The following ALDH1A3 variants were observed in gnomAD, a reference collection of about 807,000 sequenced individuals.
ALDH1A3 encodes aldehyde dehydrogenase 1 family member A3.
In ALDH1A3, 28 loss-of-function variants were observed where a neutral mutation model predicts 57.5. The observed-to-expected ratio is 0.49, with a 90% confidence interval of 0.36 to 0.67. ALDH1A3 has a LOEUF of 0.67. Among genes scored for constraint, ALDH1A3 ranks in the 30% least tolerant of loss-of-function variants. ALDH1A3 has a pLI of 0.00. For missense variants in ALDH1A3, 507 were observed against 669.4 expected (o/e 0.76, Z 2.68); for synonymous variants, 281 against 264.8 (o/e 1.06, Z -0.59).
At chr15:100,905,788 T>C in intron 10 of ALDH1A3, 101 bp downstream of exon 10, 1 of 1,272,564 alleles carries the variant, frequency 7.9e-7, no homozygotes, top group Non-Finnish European at 1.1e-6. Context: ...ATCTGAGTGT[T>C]TTTTTGTTTT....
At chr15:100,909,850 A>G (rs1315002626) in intron 12 of ALDH1A3, among the ~76,000 whole-genome samples, 3 of 152,262 alleles carry the variant, frequency 2.0e-5, no homozygotes, top group Non-Finnish European at 4.4e-5. Flanking sequence ...CCAAGGAACC[A>G]TCTGTGACAA....
At chr15:100,891,905 G>A (rs533750493) in intron 3 of ALDH1A3, among the ~76,000 whole-genome samples, 5 of 152,356 alleles carry the variant, frequency 3.3e-5, no homozygotes, top group African/African-American at 4.8e-5. Flanking sequence ...GCTCCCTTCC[G>A]ACTCTGCATC....
rs201556377 is a variant in ALDH1A3 at position 100,905,713 on chromosome 15, C to T, written c.1233+26C>T. Reference sequence around the variant, plus strand: ...GTACAAGGGGGCTGTGGCAAGGCTACGACTTGCGGGGCCTTTCAAACACGA... The same window carrying T: ...GTACAAGGGGGCTGTGGCAAGGCTATGACTTGCGGGGCCTTTCAAACACGA... On this transcript the variant is annotated intron_variant, in intron 10 of 12. Coordinates refer to ENST00000329841, the MANE Select transcript of ALDH1A3 (RefSeq NM_000693.4). 17 of 1,516,872 alleles carry T rather than the reference C, an allele frequency of 1.1e-5. No individual in the cohort carries two copies. The East Asian group carries it at 2.4e-4, about 21-fold the overall frequency. 94.0% of individuals were successfully genotyped at this position (1,516,872 alleles called of 1,614,324 possible).
chr15:100,907,992 G>A (rs891031194), intron 11 of ALDH1A3, among the ~76,000 whole-genome samples: 5 of 151,652 alleles, frequency 3.3e-5, no homozygotes, highest in Non-Finnish European at 7.4e-5. Context: ...GGGACTACAG[G>A]TGCACGCCAC....
intron 10 of ALDH1A3, 50 bp downstream of exon 10, chr15:100,905,737 GA>G: frequency 6.7e-7 from 1 of 1,482,162 alleles, no homozygotes; most frequent in South Asian, 1.4e-5. Flanking sequence ...TTTCAAACAC[GA>G]GTCCTTCCCT....
In ALDH1A3 at chr15:100,900,597, C is replaced by G; in HGVS notation, c.906C>G (p.Ala302=). 2 of 1,597,494 alleles carry G rather than the reference C, an allele frequency of 1.3e-6. No homozygotes were observed. Among genetic ancestry groups the G allele is most frequent in the Non-Finnish European group, 1.7e-6 (2 of 1,171,292 alleles). The stretch of plus-strand genomic sequence containing the variant: ...CAGTGGACTTGGCAGTGGAGTGTGC[C>G]CATCAGGGAGTGTTCTTCAACCAAG... ...DADLDLAVEC[A]HQGVFFNQGQ... Residue 302 remains alanine (A), a synonymous_variant, in exon 9 of 13, where the codon GCC becomes GCG. Transcript: ENST00000329841.
At chr15:100,886,607 C>A (rs562339963) in intron 2 of ALDH1A3, among the ~76,000 whole-genome samples, 1 of 152,214 alleles carries the variant, frequency 6.6e-6, no homozygotes, top group East Asian at 1.9e-4. Context: ...CACATCCACT[C>A]CCTGCTGTAC....
At chr15:100,880,492 G>A (rs1228321161) in intron 1 of ALDH1A3, 1 of 325,540 alleles carries the variant, frequency 3.1e-6, no homozygotes, top group Non-Finnish European at 5.6e-6. Context: ...GCAGTTGGAA[G>A]ACTGGGGAAG....
At chr15:100,900,395 C>T (rs2041754307) in intron 8 of ALDH1A3, among the ~76,000 whole-genome samples, 180 bp from the exon 9 acceptor site, 1 of 152,214 alleles carries the variant, frequency 6.6e-6, no homozygotes, top group South Asian at 2.1e-4. Context: ...ACCCCAAAAT[C>T]CTTTCTCCCT....
intron 12 of ALDH1A3, among the ~76,000 whole-genome samples, chr15:100,912,035 G>A (rs2041887227): frequency 6.6e-6 from 1 of 152,198 alleles, no homozygotes; most frequent in Admixed American, 6.5e-5. Context: ...AATGAAATGG[G>A]AGCAAGCTAC....
chr15:100,880,162 A>C (rs1256156889), intron 1 of ALDH1A3, 156 bp downstream of exon 1: 1 of 441,002 alleles, frequency 2.3e-6, no homozygotes, highest in Non-Finnish European at 3.7e-6. Flanking sequence ...CAGAAACCGC[A>C]CCTTTCGCGG....
At position 100,893,142 on chromosome 15, in the gene ALDH1A3, C is replaced by T. The variant is rs975299448; in HGVS notation, c.537+136C>T. ...CAAGCATTTTCTTCGTGGCATGGAA[C>T]TCCATGCTTGGGGGCTCTTGAGATG... On this transcript the variant is annotated intron_variant, in intron 5 of 12. Transcript: ENST00000329841. This position sits in a 1 kb window ranked among gnomAD's most constrained non-coding sequence, Gnocchi z 4.8. The T allele has an allele frequency of 1.7e-5, 13 of 744,878 alleles. No homozygotes were observed. The highest frequency in any genetic ancestry group is 1.2e-4 in the African/African-American group (7 of 57,148). The allele number at this position is 744,878 out of a possible 1,614,324, so 46.1% of individuals were successfully genotyped here.
At position 100,893,853 on chromosome 15, in the gene ALDH1A3, G is replaced by T; in HGVS notation, c.538-101G>T. The T allele has an allele frequency of 6.6e-7, 1 of 1,504,338 alleles. No homozygotes were observed. The highest frequency in any genetic ancestry group is 1.3e-5 in the South Asian group (1 of 75,308). 93.2% of individuals were successfully genotyped at this position (1,504,338 alleles called of 1,614,324 possible). ...TGTTACCCCACATACCCCAAATCCAGACCATGAAAAGCAAGTGTCCTCCAC... is the reference window on the plus strand; with the variant it reads ...TGTTACCCCACATACCCCAAATCCATACCATGAAAAGCAAGTGTCCTCCAC... On this transcript the variant is annotated intron_variant, in intron 5 of 12. Coordinates refer to ENST00000329841, the MANE Select transcript of ALDH1A3 (RefSeq NM_000693.4). This position sits in a 1 kb window ranked among gnomAD's most constrained non-coding sequence, Gnocchi z 4.8.
rs777659338 is a variant in ALDH1A3 at position 100,908,363 on chromosome 15, G to A, written c.1392-45G>A. ...AGTGGCTGCAGTGCCAGGAGCCAGGGGGTCTTCTCCAGATGACTCTGAGCT... is the reference window on the plus strand; with the variant it reads ...AGTGGCTGCAGTGCCAGGAGCCAGGAGGTCTTCTCCAGATGACTCTGAGCT... On this transcript the variant is annotated intron_variant, in intron 11 of 12. Transcript: ENST00000329841. 11 of 1,546,368 alleles carry A rather than the reference G, an allele frequency of 7.1e-6. No homozygotes were observed. In the South Asian group the frequency reaches 1.0e-4, roughly 14 times the overall value.
intron 8 of ALDH1A3, among the ~76,000 whole-genome samples, chr15:100,900,209 A>G (rs1276052956): frequency 6.6e-6 from 1 of 152,236 alleles, no homozygotes; most frequent in Non-Finnish European, 1.5e-5. Flanking sequence ...TACATCAATA[A>G]TTACCGAAGT....
intron 9 of ALDH1A3, among the ~76,000 whole-genome samples, chr15:100,902,201 T>A (rs1015240487): frequency 5.3e-4 from 81 of 152,242 alleles, no homozygotes; most frequent in African/African-American, 1.8e-3. Flanking sequence ...TTATGCCTGA[T>A]GTCTGAGTCT....
At chr15:100,885,750 T>C (rs993411606) in intron 2 of ALDH1A3, among the ~76,000 whole-genome samples, 2 of 152,004 alleles carry the variant, frequency 1.3e-5, no homozygotes, top group African/African-American at 4.8e-5. Context: ...GAAATGAAGC[T>C]TTCTGGCAGA....
Position 100,879,888 on chromosome 15 carries a change from C to T in ALDH1A3, c.-20C>T, listed in dbSNP as rs2041527480. ...GCGCCGCAGACTAGGGCGCCTCGGG[C>T]CAGGGAGCGCGGAGGAGCCATGGCC... is the stretch of plus-strand genomic sequence containing the variant. On this transcript the variant is annotated 5_prime_UTR_variant, in exon 1 of 13. Transcript: ENST00000329841. 7.2e-7 allele frequency: 1 copy of T among 1,393,154 alleles called. No individual in the cohort carries two copies. The highest frequency in any genetic ancestry group is 9.4e-7 in the Non-Finnish European group (1 of 1,067,908). 86.3% of individuals were successfully genotyped at this position (1,393,154 alleles called of 1,614,324 possible). A position where few individuals can be genotyped will look rare whatever the true frequency, so the allele number is the denominator to read the frequency against.
At chr15:100,896,783 T>C (rs1336105131) in intron 7 of ALDH1A3, among the ~76,000 whole-genome samples, 1 of 152,250 alleles carries the variant, frequency 6.6e-6, no homozygotes, top group African/African-American at 2.4e-5. Flanking sequence ...TTCTCTGGAA[T>C]GTTTTACAGC....
Sources: allele counts gnomAD v4.1 joint callset (sites outside exome capture counted in the v4.1 genomes callset), GRCh38; gene constraint gnomAD v4.1.1; non-coding constraint Gnocchi (gnomAD v3.1); transcripts MANE v1.5; gene names NCBI Gene and HGNC (gene_info 2026-07-23, HGNC 2026-07-21).